The following DHX15 variants were observed in gnomAD, a reference collection of about 807,000 sequenced individuals.
The protein encoded by DHX15 is ATP-dependent RNA helicase DHX15.
In DHX15, 11 loss-of-function variants were observed where a neutral mutation model predicts 94.4. The ratio of observed to expected loss-of-function variants is 0.12; its 90% CI spans 0.07 to 0.19. DHX15 has a LOEUF of 0.19. DHX15 is among the 10% of genes least tolerant of loss of function. DHX15 has a pLI of 1.00. For missense variants in DHX15, 304 were observed against 988.5 expected (o/e 0.31, Z 9.29); for synonymous variants, 338 against 329.9 (o/e 1.02, Z -0.27).
At chr4:24,528,950 T>C (rs1303796585) in intron 13 of DHX15, among the ~76,000 whole-genome samples, 1 of 151,826 alleles carries the variant, frequency 6.6e-6, no homozygotes, top group Non-Finnish European at 1.5e-5. Flanking sequence ...GAAACAGTAC[T>C]GACTTGAGAA....
At chr4:24,569,238 G>A (rs1722063988) in intron 3 of DHX15, among the ~76,000 whole-genome samples, 1 of 152,176 alleles carries the variant, frequency 6.6e-6, no homozygotes, top group South Asian at 2.1e-4. Context: ...GATTGGATAT[G>A]AAATAAATAA....
At position 24,571,989 on chromosome 4, in the gene DHX15, CCTTA is replaced by C. The variant is rs559983493; in HGVS notation, c.508-1146_508-1143del. 2.1e-3 allele frequency among the ~76,000 whole-genome samples: 321 copies of C among 152,280 alleles called. 3 individuals carry two copies. Among genetic ancestry groups the C allele is most frequent in the African/African-American group, 7.5e-3 (311 of 41,564 alleles). ...GTGGTTTTCTAGTCAGGCTATAAAG[CCTTA>C]CTTACTGATATATCCTCAATTCGGC... is the stretch of plus-strand genomic sequence containing the variant. On this transcript the variant is annotated intron_variant, in intron 2 of 13. Coordinates refer to ENST00000336812, the MANE Select transcript of DHX15 (RefSeq NM_001358.3).
chr4:24,572,633 CAAT>C (rs1722149182), intron 2 of DHX15, among the ~76,000 whole-genome samples: 1 of 149,868 alleles, frequency 6.7e-6, no homozygotes, highest in South Asian at 2.1e-4. Context: ...TAATTCCTAA[CAAT>C]AAAACTCATT....
intron 9 of DHX15, 94 bp from the exon 10 acceptor site, chr4:24,540,393 T>C: frequency 9.3e-7 from 1 of 1,078,002 alleles, no homozygotes; most frequent in Admixed American, 2.7e-5. Flanking sequence ...ATTTTTCATT[T>C]TGCAGTGGAC....
intron 3 of DHX15, among the ~76,000 whole-genome samples, chr4:24,558,351 ACTT>A (rs1721787500): frequency 6.6e-6 from 1 of 152,140 alleles, no homozygotes; most frequent in African/African-American, 2.4e-5. Flanking sequence ...TAAGTTGAAA[ACTT>A]CTTAAAACTA....
At chr4:24,547,722 G>C (rs1057403520) in intron 6 of DHX15, among the ~76,000 whole-genome samples, 4 of 151,478 alleles carry the variant, frequency 2.6e-5, no homozygotes, top group African/African-American at 9.7e-5. Flanking sequence ...AGGCCCAGGA[G>C]GGGGGACTGA....
Position 24,537,034 on chromosome 4 carries a change from A to T in DHX15, c.1909+17T>A, listed in dbSNP as rs1721213389. 1 of 1,610,522 alleles carries T rather than the reference A, an allele frequency of 6.2e-7. No homozygotes were observed. The highest frequency in any genetic ancestry group is 8.5e-7 in the Non-Finnish European group (1 of 1,177,812). Reference sequence around the variant, plus strand: ...TGACATTTAGACAAGAGTGTCTCCAATCAAATTTACACTTACTTTGTTTAA... The same window carrying T: ...TGACATTTAGACAAGAGTGTCTCCATTCAAATTTACACTTACTTTGTTTAA... On this transcript the variant is annotated intron_variant, in intron 11 of 13. Transcript: ENST00000336812. This position sits in a 1 kb window ranked among gnomAD's most constrained non-coding sequence, Gnocchi z 4.7.
chr4:24,543,463 A>G (rs1721359916), intron 6 of DHX15, among the ~76,000 whole-genome samples: 1 of 152,206 alleles, frequency 6.6e-6, no homozygotes, highest in Admixed American at 6.5e-5. Flanking sequence ...TTATATCACC[A>G]AAATTCAACT....
At chr4:24,550,111 A>AC (rs1721558488) in intron 5 of DHX15, among the ~76,000 whole-genome samples, 1 of 147,014 alleles carries the variant, frequency 6.8e-6, no homozygotes, top group Non-Finnish European at 1.5e-5. Flanking sequence ...AAAAAAAAAA[A>AC]AAAAAAAAAA....
Position 24,540,747 on chromosome 4 carries a change from T to A in DHX15, c.1594+93A>T, listed in dbSNP as rs567663146. On this transcript the variant is annotated intron_variant, in intron 9 of 13. Transcript: ENST00000336812. The stretch of plus-strand genomic sequence containing the variant: ...CATACTGGATGGAAAAAGCAAAATG[T>A]ATTTAATACATATATTAAATAGGAT... 19 of 670,050 alleles carry A rather than the reference T, an allele frequency of 2.8e-5. No homozygotes were observed. The African/African-American group carries it at 3.4e-4, about 12-fold the overall frequency. The allele number at this position is 670,050 out of a possible 1,614,324, so 41.5% of individuals were successfully genotyped here. A position where few individuals can be genotyped will look rare whatever the true frequency, so the allele number is the denominator to read the frequency against.
At chr4:24,561,599 CAATGG>C (rs535982035) in intron 3 of DHX15, among the ~76,000 whole-genome samples, 358 of 152,174 alleles carry the variant, frequency 2.4e-3, no homozygotes, top group African/African-American at 8.2e-3. Flanking sequence ...CACATATACA[CAATGG>C]AATACTATGC....
chr4:24,532,774 A>G (rs1721111647), intron 12 of DHX15, 90 bp downstream of exon 12: 2 of 985,304 alleles, frequency 2.0e-6, no homozygotes, highest in Admixed American at 2.4e-5. Context: ...GCACAAACTC[A>G]CTTTTGCTTT....
chr4:24,582,098 G>A (rs550493669), intron 1 of DHX15, among the ~76,000 whole-genome samples: 1 of 152,218 alleles, frequency 6.6e-6, no homozygotes, highest in Non-Finnish European at 1.5e-5. Context: ...GGATTGCATG[G>A]CAGTCAACAA....
At chr4:24,542,111 C>A in intron 7 of DHX15, 89 bp from the exon 8 acceptor site, 2 of 1,108,948 alleles carry the variant, frequency 1.8e-6, no homozygotes, top group Non-Finnish European at 2.5e-6. Flanking sequence ...ACAGTTAATT[C>A]CAAAATAAAT....
At chr4:24,532,517 C>A (rs1721105833) in intron 12 of DHX15, among the ~76,000 whole-genome samples, 1 of 152,186 alleles carries the variant, frequency 6.6e-6, no homozygotes, top group South Asian at 2.1e-4. Flanking sequence ...CTTTAATGCA[C>A]TGATCAATAT....
Position 24,527,874 on chromosome 4 carries a change from T to C in DHX15, c.*50A>G. The C allele has an allele frequency of 7.3e-7, 1 of 1,371,610 alleles. No individual in the cohort carries two copies. The allele number at this position is 1,371,610 out of a possible 1,614,324, so 85.0% of individuals were successfully genotyped here. ...AGCACAACTCGAACTTTTGAGTTCATTCATCTTTTAAAGCTGTCCTCTCAA... is the reference window on the plus strand; with the variant it reads ...AGCACAACTCGAACTTTTGAGTTCACTCATCTTTTAAAGCTGTCCTCTCAA... On this transcript the variant is annotated 3_prime_UTR_variant, in exon 14 of 14. Coordinates refer to ENST00000336812, the MANE Select transcript of DHX15 (RefSeq NM_001358.3).
At chr4:24,583,910 G>A (rs1722539758) in intron 1 of DHX15, among the ~76,000 whole-genome samples, 1 of 152,066 alleles carries the variant, frequency 6.6e-6, no homozygotes, top group East Asian at 1.9e-4. Flanking sequence ...GCTGGGAAGT[G>A]CCTGCTGCCC....
intron 6 of DHX15, among the ~76,000 whole-genome samples, chr4:24,546,100 A>G (rs887070938): frequency 6.6e-6 from 1 of 152,144 alleles, no homozygotes; most frequent in Non-Finnish European, 1.5e-5. Flanking sequence ...GTCTGGACAC[A>G]ATAATGCATT....
intron 6 of DHX15, among the ~76,000 whole-genome samples, chr4:24,543,233 C>G (rs1159092187): frequency 1.3e-5 from 2 of 152,094 alleles, no homozygotes; most frequent in Non-Finnish European, 2.9e-5. Context: ...ACAACAGCAA[C>G]TTCTTTCTCA....
Sources: gnomAD v4.1 joint callset for allele counts (sites outside exome capture counted in the v4.1 genomes callset) on GRCh38, gnomAD v4.1.1 for gene constraint, Gnocchi (gnomAD v3.1) non-coding constraint, MANE v1.5 for transcripts, NCBI Gene and HGNC (gene_info 2026-07-23, HGNC 2026-07-21) for gene names.